The following NRP1 variants were observed in gnomAD, a reference collection of about 807,000 sequenced individuals.
NRP1 encodes the protein neuropilin 1.
Under a neutral mutation model 106.7 loss-of-function variants are expected in NRP1, and 35 were observed. The observed-to-expected ratio is 0.33, with a 90% CI of 0.25 to 0.43. The LOEUF is 0.43. NRP1 is among the 20% of genes least tolerant of loss of function. The probability of loss-of-function intolerance (pLI) is 1.00; values close to 1 mark genes in which losing one functional copy is unlikely to be tolerated. For missense variants in NRP1, 1,024 were observed against 1,170.4 expected (o/e 0.87, Z 1.83); for synonymous variants, 437 against 417.9 (o/e 1.05, Z -0.56).
chr10:33,227,360 T>C lies in NRP1; in HGVS notation c.982-1071A>G, dbSNP rs187571223. On this transcript the variant is annotated intron_variant, in intron 6 of 16. Transcript: ENST00000374867. ...CCACATTAAATGCAGACTGAAACGA[T>C]ACTGACTTGAAAGCTCTAAGGGTGT... is the stretch of plus-strand genomic sequence containing the variant. 2.3e-3 allele frequency among the ~76,000 whole-genome samples: 356 copies of C among 152,310 alleles called. 2 individuals are homozygous for C. Among genetic ancestry groups the C allele is most frequent in the Middle Eastern group, 0.01 (3 of 294 alleles).
chr10:33,197,513 A>G, intron 12 of NRP1, 137 bp downstream of exon 12: 2 of 534,416 alleles, frequency 3.7e-6, no homozygotes. Flanking sequence ...AGCAATATTT[A>G]TGGCTCATGC....
intron 2 of NRP1, among the ~76,000 whole-genome samples, chr10:33,284,686 A>T (rs914142651): frequency 2.0e-5 from 3 of 151,986 alleles, no homozygotes; most frequent in Non-Finnish European, 4.4e-5. Context: ...TTCAAGAGAA[A>T]TTTTTTTTGA....
At chr10:33,322,661 A>T (rs1588994522) in intron 2 of NRP1, among the ~76,000 whole-genome samples, 1 of 152,218 alleles carries the variant, frequency 6.6e-6, no homozygotes, top group African/African-American at 2.4e-5. Context: ...GGGATTACAG[A>T]CCTGAGCCAC....
chr10:33,280,857 C>T (rs1057473478), intron 2 of NRP1, among the ~76,000 whole-genome samples: 1 of 151,842 alleles, frequency 6.6e-6, no homozygotes, highest in Admixed American at 6.6e-5. Flanking sequence ...TGGCACACGC[C>T]TGTAGTCCTA....
At position 33,263,878 on chromosome 10, in the gene NRP1, G is replaced by A. The variant is rs548703841; in HGVS notation, c.431-5C>T. Reference sequence around the variant, plus strand: ...AGTTCTGGGAACATTCAGGACCTATGAGTAGAAGAGAAAAAGGAGTAAAGT... The same window carrying A: ...AGTTCTGGGAACATTCAGGACCTATAAGTAGAAGAGAAAAAGGAGTAAAGT... On this transcript the variant is annotated splice_region_variant and splice_polypyrimidine_tract_variant and intron_variant, in intron 3 of 16. Coordinates refer to ENST00000374867, the MANE Select transcript of NRP1 (RefSeq NM_003873.7). 1.9e-6 allele frequency: 3 copies of A among 1,565,658 alleles called. No homozygotes were observed. The highest frequency in any genetic ancestry group is 1.8e-6 in the Non-Finnish European group (2 of 1,137,348).
intron 6 of NRP1, among the ~76,000 whole-genome samples, chr10:33,238,361 A>G (rs1008443059): frequency 1.3e-5 from 2 of 152,250 alleles, no homozygotes; most frequent in African/African-American, 2.4e-5. Context: ...GGAGAAGTTC[A>G]TGAGTTCAGA....
chr10:33,213,525 T>C lies in NRP1; in HGVS notation c.1475A>G (p.Glu492Gly). 2 of 1,613,936 alleles carry C rather than the reference T, an allele frequency of 1.2e-6. No homozygotes were observed. Among genetic ancestry groups the C allele is most frequent in the Non-Finnish European group, 1.7e-6 (2 of 1,179,992 alleles). Reference protein sequence around the residue: ...NEWLQIDLGEEKIVRGIIIQG... With the variant: ...NEWLQIDLGEGKIVRGIIIQG... ...AATGATGATGCCCCTCACGATCTTC[T>C]CCTCCCCCAGGTCTATTTGGAGCCA... The change falls in exon 9 of 17, where the codon GAG (glutamate) becomes GGG (glycine). Residue 492 changes from glutamate to glycine, a missense_variant. Physicochemically the swap from Glu to Gly is moderately conservative, Grantham distance 98. This residue lies in a region of NRP1 where 562 missense variants were observed against 620.3 expected (regional missense o/e 0.91). Transcript: ENST00000374867.
intron 9 of NRP1, among the ~76,000 whole-genome samples, chr10:33,208,607 C>T (rs1271365922): frequency 2.0e-5 from 3 of 151,962 alleles, no homozygotes; most frequent in South Asian, 2.1e-4. Context: ...TGGGAGAAGG[C>T]GGAGGGGGAG....
At chr10:33,203,029 C>T (rs952212522) in intron 10 of NRP1, 34 bp from the exon 11 acceptor site, 1 of 1,577,266 alleles carries the variant, frequency 6.3e-7, no homozygotes, top group Non-Finnish European at 8.6e-7. Flanking sequence ...TATCTCACAC[C>T]TTGGAAATGT....
chr10:33,287,524 C>G (rs934760984), intron 2 of NRP1, among the ~76,000 whole-genome samples: 2 of 152,146 alleles, frequency 1.3e-5, no homozygotes, highest in Admixed American at 6.5e-5. Flanking sequence ...TTATGCTTGT[C>G]ATTATTTTAG....
chr10:33,219,211 C>T (rs1193623755), intron 8 of NRP1, among the ~76,000 whole-genome samples: 1 of 152,154 alleles, frequency 6.6e-6, no homozygotes, highest in East Asian at 1.9e-4. Context: ...TTCCAAATTT[C>T]CTCTCATTGA....
At chr10:33,202,578 C>CGGG (rs1837417957) in intron 11 of NRP1, 2 of 1,416,730 alleles carry the variant, frequency 1.4e-6, no homozygotes, top group Admixed American at 2.5e-5. Flanking sequence ...GGGGGGGGGT[C>CGGG]TGAAAATAAT....
chr10:33,202,566 T>TCGGG, intron 11 of NRP1: 1 of 1,245,312 alleles, frequency 8.0e-7, no homozygotes, highest in Non-Finnish European at 1.1e-6. Context: ...GCACGTGTTA[T>TCGGG]TGGGGGGGGG....
chr10:33,233,756 T>A (rs1319158843), intron 6 of NRP1, among the ~76,000 whole-genome samples: 2 of 152,130 alleles, frequency 1.3e-5, no homozygotes, highest in East Asian at 3.9e-4. Flanking sequence ...AGGAAAATAT[T>A]TTTTGAGGGG....
At chr10:33,206,127 G>C (rs909955785) in intron 10 of NRP1, 1 of 486,800 alleles carries the variant, frequency 2.1e-6, no homozygotes, top group African/African-American at 2.0e-5. Flanking sequence ...CCACCAGGCT[G>C]TCTTTTCAAT....
chr10:33,317,786 T>C (rs1847144944), intron 2 of NRP1, among the ~76,000 whole-genome samples: 1 of 152,244 alleles, frequency 6.6e-6, no homozygotes, highest in Admixed American at 6.5e-5. Context: ...ACTCCATCCA[T>C]CTAGATCTTC....
chr10:33,313,147 A>G (rs1474420757), intron 2 of NRP1, among the ~76,000 whole-genome samples: 3 of 152,248 alleles, frequency 2.0e-5, no homozygotes, highest in Non-Finnish European at 2.9e-5. Flanking sequence ...GGTCTAGGTG[A>G]AAAAGTAGGC....
intron 2 of NRP1, among the ~76,000 whole-genome samples, chr10:33,284,443 G>A (rs990126370): frequency 1.3e-5 from 2 of 152,110 alleles, no homozygotes; most frequent in African/African-American, 4.8e-5. Context: ...GCATATAAGT[G>A]CTCATTTAAA....
At chr10:33,225,696 A>G (rs1319229024) in intron 7 of NRP1, among the ~76,000 whole-genome samples, 1 of 152,230 alleles carries the variant, frequency 6.6e-6, no homozygotes, top group Non-Finnish European at 1.5e-5. Context: ...GCACTTGTAA[A>G]TTAGTTTGTG....
Sources: allele counts gnomAD v4.1 joint callset (sites outside exome capture counted in the v4.1 genomes callset), GRCh38; gene constraint gnomAD v4.1.1; regional missense constraint gnomAD v4.1.1; transcripts MANE v1.5; gene names NCBI Gene and HGNC (gene_info 2026-07-23, HGNC 2026-07-21).